The following DOCK9 variants were observed in gnomAD, a reference collection of about 807,000 sequenced individuals.
DOCK9 encodes dedicator of cytokinesis protein 9.
In DOCK9, 89 loss-of-function variants were observed where a neutral mutation model predicts 263.3. That is an observed-to-expected ratio of 0.34 (90% CI 0.28 to 0.40). DOCK9 has a LOEUF of 0.40. Ranked by LOEUF, DOCK9 falls within the 10% of genes least tolerant of loss-of-function variation. DOCK9 has a pLI of 1.00. For synonymous variants in DOCK9, 976 were observed against 973.1 expected, an observed-to-expected ratio of 1.00 and a Z score of -0.06; for missense variants, 2,140 against 2,603.4, an observed-to-expected ratio of 0.82 and a Z score of 3.87.
At chr13:99,011,509 A>G (rs1884469247) in intron 1 of DOCK9, among the ~76,000 whole-genome samples, 1 of 152,234 alleles carries the variant, frequency 6.6e-6, no homozygotes, top group African/African-American at 2.4e-5. Context: ...TGAAAAGCAC[A>G]ACCATTCATA....
chr13:98,921,024 T>G lies in DOCK9; in HGVS notation c.647A>C (p.Tyr216Ser). The change falls in exon 7 of 53, where the codon TAT becomes TCT. Residue 216 changes from tyrosine to serine, a missense_variant. Tyr to Ser is a moderately radical substitution (Grantham distance 144). This residue lies in a region of DOCK9 where 1,521 missense variants were observed against 1,741.7 expected (regional missense o/e 0.87). Transcript: ENST00000682017. Reference protein sequence around the residue: ...LGDGSYNLNFYKDEKISKEPK... With the variant: ...LGDGSYNLNFSKDEKISKEPK... ...TTCTTTGGAGATCTTTTCATCTTTA[T>G]AAAAATTCAAATTATAGGATCCATC... 1 of 1,603,284 alleles carries G rather than the reference T, an allele frequency of 6.2e-7. No individual in the cohort carries two copies. Among genetic ancestry groups the G allele is most frequent in the South Asian group, 1.1e-5 (1 of 89,096 alleles).
intron 46 of DOCK9, 23 bp downstream of exon 46, chr13:98,810,146 A>G (rs1427727238): frequency 2.5e-6 from 4 of 1,613,644 alleles, no homozygotes; most frequent in African/African-American, 1.3e-5. Context: ...AAATAGGAAA[A>G]AAACAAAAAG....
chr13:98,981,434 G>C (rs1298538790), upstream of DOCK9, among the ~76,000 whole-genome samples: 3 of 152,094 alleles, frequency 2.0e-5, no homozygotes, highest in African/African-American at 7.2e-5. Context: ...AATATACAAG[G>C]CTGGCAATGT....
intron 39 of DOCK9, among the ~76,000 whole-genome samples, chr13:98,836,392 C>G (rs1191707067): frequency 6.6e-6 from 1 of 152,214 alleles, no homozygotes; most frequent in Non-Finnish European, 1.5e-5. Flanking sequence ...AAAAGAGAGG[C>G]TCCGAAGCTT....
chr13:98,882,087 A>G lies in DOCK9; in HGVS notation c.2560-80T>C. The G allele has an allele frequency of 8.6e-6, 10 of 1,164,390 alleles. No individual in the cohort carries two copies. The South Asian group carries it at 1.3e-4, about 16-fold the overall frequency. The allele number at this position is 1,164,390 out of a possible 1,614,324, so 72.1% of individuals were successfully genotyped here. A position where few individuals can be genotyped will look rare whatever the true frequency, so the allele number is the denominator to read the frequency against. ...AAAGTAACTTCCACTCTTCCAAACAAGGATGGAAGAACTCCCTCTAAAACA... is the reference window on the plus strand; with the variant it reads ...AAAGTAACTTCCACTCTTCCAAACAGGGATGGAAGAACTCCCTCTAAAACA... On this transcript the variant is annotated intron_variant, in intron 23 of 52. Transcript: ENST00000682017.
chr13:98,898,065 T>C, intron 14 of DOCK9, 114 bp downstream of exon 14: 1 of 735,036 alleles, frequency 1.4e-6, no homozygotes. Flanking sequence ...TATGTATTTC[T>C]CAGTTTTACA....
intron 26 of DOCK9, 106 bp from the exon 27 acceptor site, chr13:98,880,075 T>G: frequency 1.2e-6 from 1 of 829,516 alleles, no homozygotes; most frequent in Non-Finnish European, 1.9e-6. Flanking sequence ...GGTGTGACCC[T>G]AAAACACGGC....
At chr13:98,877,858 T>C (rs2044118759) in intron 27 of DOCK9, among the ~76,000 whole-genome samples, 1 of 152,192 alleles carries the variant, frequency 6.6e-6, no homozygotes, top group Non-Finnish European at 1.5e-5. Context: ...ATATTTTGAA[T>C]ATAATCACGT....
rs1002487864 is a variant in DOCK9, at chr13:98,860,209, G to C, written c.3697+196C>G. On this transcript the variant is annotated intron_variant, in intron 33 of 52. Transcript: ENST00000682017. ...ACTGTATGATCCTGAGGAGTCACAG[G>C]CATCCGGGACCTTTATTTCAGGGCA... 9.1e-6 allele frequency: 13 copies of C among 1,422,070 alleles called. No homozygotes were observed. The Admixed American group carries it at 3.7e-4, about 41-fold the overall frequency. The allele number at this position is 1,422,070 out of a possible 1,614,324, so 88.1% of individuals were successfully genotyped here.
chr13:98,796,367 C>T (rs746026336), intron 52 of DOCK9, among the ~76,000 whole-genome samples: 4 of 152,028 alleles, frequency 2.6e-5, no homozygotes, highest in South Asian at 2.1e-4. Context: ...GACTGAAGGA[C>T]GATAATGGAG....
At chr13:98,852,851 AT>A in intron 35 of DOCK9, among the ~76,000 whole-genome samples, 1 of 152,338 alleles carries the variant, frequency 6.6e-6, no homozygotes, top group Admixed American at 6.5e-5. Flanking sequence ...TTATTTTAAA[AT>A]GTGGTTGTCA....
At chr13:98,958,765 C>A (rs140161861) in intron 1 of DOCK9, among the ~76,000 whole-genome samples, 25 of 152,292 alleles carry the variant, frequency 1.6e-4, no homozygotes, top group African/African-American at 5.8e-4. Context: ...GATGTGTTTC[C>A]TGTCTCTGGA....
intron 27 of DOCK9, 71 bp downstream of exon 27, chr13:98,879,827 C>T (rs2044453437): frequency 3.1e-6 from 4 of 1,293,272 alleles, no homozygotes; most frequent in Admixed American, 4.5e-5. Context: ...CATGAAGAAA[C>T]GTTCACTACA....
chr13:99,026,461 G>A (rs753834663), intron 1 of DOCK9, among the ~76,000 whole-genome samples: 3 of 152,180 alleles, frequency 2.0e-5, no homozygotes, highest in Admixed American at 6.5e-5. Context: ...ATGCAGAAGA[G>A]AGGACAGCTA....
chr13:98,888,273 T>A, intron 17 of DOCK9, 50 bp from the exon 18 acceptor site: 1 of 1,601,296 alleles, frequency 6.2e-7, no homozygotes, highest in Non-Finnish European at 8.5e-7. Context: ...AAAGTCAGAC[T>A]ATGTAAGTAT....
intron 1 of DOCK9, among the ~76,000 whole-genome samples, chr13:99,084,635 T>C (rs1380228421): frequency 2.0e-5 from 3 of 152,188 alleles, no homozygotes; most frequent in Non-Finnish European, 2.9e-5. Flanking sequence ...CAGTGTTGTG[T>C]CTGCACCAGC....
At chr13:98,918,338 T>A (rs578124809) in intron 7 of DOCK9, among the ~76,000 whole-genome samples, 1 of 152,116 alleles carries the variant, frequency 6.6e-6, no homozygotes, top group Admixed American at 6.5e-5. Flanking sequence ...GTCTCCAGAA[T>A]GACGGGAAAT....
intron 1 of DOCK9, among the ~76,000 whole-genome samples, chr13:99,021,368 G>C (rs1273026645): frequency 6.6e-6 from 1 of 152,168 alleles, no homozygotes; most frequent in Non-Finnish European, 1.5e-5. Context: ...GGCCAGGCGT[G>C]GTGGCTCATG....
chr13:98,829,832 G>A lies in DOCK9; in HGVS notation c.4636-76C>T. On this transcript the variant is annotated intron_variant, in intron 41 of 52. Transcript: ENST00000682017. The surrounding 1 kb of genome is among the most constrained non-coding windows in gnomAD (Gnocchi z 4.1). ...CAGGCTGGGCTTCTGCGTTCAGTTA[G>A]GATGTGCCTAAGGACCCAGCAAAGT... The A allele has an allele frequency of 2.3e-6, 3 of 1,330,452 alleles. No individual in the cohort carries two copies. The highest frequency in any genetic ancestry group is 3.2e-6 in the Non-Finnish European group (3 of 948,930). The allele number at this position is 1,330,452 out of a possible 1,614,324, so 82.4% of individuals were successfully genotyped here.
Sources: gnomAD v4.1 joint callset for allele counts (sites outside exome capture counted in the v4.1 genomes callset) on GRCh38, gnomAD v4.1.1 for gene constraint, gnomAD v4.1.1 regional missense constraint, Gnocchi (gnomAD v3.1) non-coding constraint, MANE v1.5 for transcripts, NCBI Gene and HGNC (gene_info 2026-07-23, HGNC 2026-07-21) for gene names.